NEB: variants seen among roughly 807,000 people sequenced by gnomAD.
NEB encodes nebulin.
In NEB, 512 loss-of-function variants were observed where a neutral mutation model predicts 952.2. The observed-to-expected ratio is 0.54, with a 90% CI of 0.50 to 0.58. The LOEUF (loss-of-function observed/expected upper bound fraction) is 0.58, where lower values mean the gene tolerates loss of function less well. Among genes scored for constraint, NEB ranks in the 20% least tolerant of loss-of-function variants. The probability of loss-of-function intolerance (pLI) is 0.00; values close to 1 mark genes in which losing one functional copy is unlikely to be tolerated. For missense variants in NEB, 8,428 were observed against 9,231.1 expected, an observed-to-expected ratio of 0.91 and a Z score of 3.56; for synonymous variants, 2,900 against 3,149.8, an observed-to-expected ratio of 0.92 and a Z score of 2.66.
chr2:151,615,679 T>G (rs1048279342), intron 76 of NEB, among the ~76,000 whole-genome samples: 1 of 152,214 alleles, frequency 6.6e-6, no homozygotes, highest in South Asian at 2.1e-4. Context: ...AACATCTAGG[T>G]CAACTGCTGC....
At chr2:151,688,542 A>C in intron 24 of NEB, 146 bp from the exon 25 acceptor site, 2 of 670,650 alleles carry the variant, frequency 3.0e-6, no homozygotes, top group African/African-American at 3.6e-5. Context: ...ACAGGATTCA[A>C]ACTTTCATCC....
intron 159 of NEB, 34 bp downstream of exon 159, chr2:151,514,284 T>C: frequency 1.4e-6 from 2 of 1,421,316 alleles, no homozygotes; most frequent in Non-Finnish European, 2.0e-6. Flanking sequence ...TGATGCTGTA[T>C]GAATTACGTG....
Position 151,503,435 on chromosome 2 carries a change from A to G in NEB, c.23749T>C (p.Tyr7917His). 6.2e-7 allele frequency: 1 copy of G among 1,604,164 alleles called. No homozygotes were observed. The highest frequency in any genetic ancestry group is 1.1e-5 in the South Asian group (1 of 90,728). The stretch of plus-strand genomic sequence containing the variant: ...ATGCCTGTTCCCAAGTTTTCTTTGT[A>G]CATAACCTGTAGAAAATAATTAGAA... ...ETQKHISSVM[Y>H]KENLGTGIPT... Residue 7917 changes from tyrosine to histidine, a missense_variant, in exon 166 of 182, where the codon TAC becomes CAC. Transcript: ENST00000397345.
At chr2:151,672,826 C>A (rs2099316767) in intron 36 of NEB, 146 bp from the exon 37 acceptor site, 1 of 638,040 alleles carries the variant, frequency 1.6e-6, no homozygotes, top group Non-Finnish European at 2.6e-6. Context: ...CCAAAAAGTT[C>A]AGTGAAAACA....
Position 151,688,288 on chromosome 2 carries a change from T to C in NEB, c.2415+4A>G, listed in dbSNP as rs1328841062. On this transcript the variant is annotated splice_donor_region_variant and intron_variant, in intron 25 of 181. Transcript: ENST00000397345. ...ACATAGGCTTCTGTGGCTTTGGTAC[T>C]TACATCACTCAGATTATAGGCATTG... The C allele has an allele frequency of 6.2e-7, 1 of 1,602,012 alleles. No homozygotes were observed. Among genetic ancestry groups the C allele is most frequent in the Admixed American group, 1.7e-5 (1 of 59,978 alleles).
Position 151,548,373 on chromosome 2 carries a change from AC to A in NEB, c.20091del (p.Tyr6698IlefsTer32), listed in dbSNP as rs780847016. ...KEAYEHTKAY[G>X]YTLGPKDVPF... ...GGAACATCTTTGGGGCCAAGTGTAT[AC>A]CCATATGCCTTGGTGTGTTCATAGG... On this transcript the variant is annotated frameshift_variant, in exon 131 of 182. Transcript: ENST00000397345. LOFTEE classifies it high-confidence loss of function. 1 of 1,613,804 alleles carries A rather than the reference AC, an allele frequency of 6.2e-7. No homozygotes were observed. The highest frequency in any genetic ancestry group is 1.7e-5 in the Admixed American group (1 of 60,012).
At chr2:151,660,650 T>C (rs1558945011) in intron 46 of NEB, among the ~76,000 whole-genome samples, 1 of 152,174 alleles carries the variant, frequency 6.6e-6, no homozygotes, top group South Asian at 2.1e-4. Flanking sequence ...TTCCTTAAAT[T>C]TCAGGCTTTG....
intron 178 of NEB, 101 bp downstream of exon 178, chr2:151,491,997 T>C (rs908768865): frequency 2.4e-6 from 3 of 1,273,680 alleles, no homozygotes; most frequent in South Asian, 2.8e-5. Flanking sequence ...GAAAAACAGA[T>C]TGAAGTCCTT....
intron 60 of NEB, among the ~76,000 whole-genome samples, chr2:151,642,110 A>C (rs990162934): frequency 2.0e-5 from 3 of 152,224 alleles, no homozygotes; most frequent in African/African-American, 4.8e-5. Context: ...TCTTTTAAAG[A>C]AAGCAAATAT....
rs2099203382 is a variant in NEB, at chr2:151,665,471, C to T, written c.5100G>A (p.Glu1700=). 3 of 1,613,102 alleles carry T rather than the reference C, an allele frequency of 1.9e-6. No homozygotes were observed. In the African/African-American group the frequency reaches 4.0e-5, roughly 22 times the overall value. The change falls in exon 42 of 182, where the codon GAG becomes GAA. Residue 1700 remains glutamate (E), a synonymous_variant. Transcript: ENST00000397345. ...GIGWVPIESL[E]VEKAKKAGEI... ...CTCCTGCTTTCTTTGCCTTCTCCAC[C>T]TCCAGGGACTCTATGGGCACCCAGC...
chr2:151,701,474 G>A (rs1277270118), intron 13 of NEB, among the ~76,000 whole-genome samples: 13 of 149,350 alleles, frequency 8.7e-5, no homozygotes, highest in African/African-American at 3.2e-4. Flanking sequence ...GATAGAATTC[G>A]GCTGTGAATC....
At chr2:151,519,872 A>C in intron 153 of NEB, 104 bp from the exon 154 acceptor site, 1 of 721,642 alleles carries the variant, frequency 1.4e-6, no homozygotes, top group South Asian at 1.6e-5. Context: ...TTGTACATAG[A>C]GTGATCATAT....
chr2:151,530,690 C>G, intron 145 of NEB: 1 of 250,402 alleles, frequency 4.0e-6, no homozygotes, highest in Non-Finnish European at 7.6e-6. Flanking sequence ...GGGTTCCTGT[C>G]TCGTCTACAC....
rs146701316 is a variant in NEB at position 151,654,729 on chromosome 2, T to A, written c.6807+541A>T. On this transcript the variant is annotated intron_variant, in intron 51 of 181. Coordinates refer to ENST00000397345, the MANE Select transcript of NEB (RefSeq NM_001164508.2). ...TCCAATGTCATAGGCACTTTTATGG[T>A]CCCAATTTTAGGGATGAGGAAAGTG... Among the ~76,000 whole-genome samples, 6 of 152,320 alleles carry A rather than the reference T, an allele frequency of 3.9e-5. No homozygotes were observed. The East Asian group carries it at 1.2e-3, about 29-fold the overall frequency.
chr2:151,547,801 A>G, intron 131 of NEB, 63 bp from the exon 132 acceptor site: 1 of 1,061,314 alleles, frequency 9.4e-7, no homozygotes, highest in Non-Finnish European at 1.4e-6. Context: ...TCTACTGACT[A>G]ATCAAGAATA....
At chr2:151,498,450 A>AAGTT (rs1486094280) in intron 169 of NEB, 98 bp from the exon 170 acceptor site, 6 of 766,824 alleles carry the variant, frequency 7.8e-6, no homozygotes, top group African/African-American at 1.8e-5. Context: ...GGAAGAGAGT[A>AAGTT]AGTTAGAGGA....
In NEB at chr2:151,537,867, C is replaced by A; in HGVS notation, c.21102+5G>T. 1 of 1,573,878 alleles carries A rather than the reference C, an allele frequency of 6.4e-7. No homozygotes were observed. Among genetic ancestry groups the A allele is most frequent in the Non-Finnish European group, 8.6e-7 (1 of 1,156,694 alleles). On this transcript the variant is annotated splice_donor_5th_base_variant and intron_variant, in intron 140 of 181. Transcript: ENST00000397345. The stretch of plus-strand genomic sequence containing the variant: ...TATGTGAAAATAGAAGATGTCAACA[C>A]TCACATCACTGACTGTGTCAGTGAC...
At chr2:151,695,706 A>G (rs2099591248) in intron 17 of NEB, 24 bp from the exon 18 acceptor site, 3 of 1,523,476 alleles carry the variant, frequency 2.0e-6, no homozygotes, top group East Asian at 2.3e-5. Context: ...AGAACCAATT[A>G]GTTCAGAAGA....
intron 13 of NEB, among the ~76,000 whole-genome samples, chr2:151,699,002 A>C (rs2099623420): frequency 1.6e-5 from 2 of 128,756 alleles, no homozygotes; most frequent in Non-Finnish European, 1.7e-5. Flanking sequence ...TATATCTCCC[A>C]ATGCTATCCC....
Sources: gnomAD v4.1 joint callset for allele counts (sites outside exome capture counted in the v4.1 genomes callset) on GRCh38, gnomAD v4.1.1 for gene constraint, MANE v1.5 for transcripts, NCBI Gene and HGNC (gene_info 2026-07-23, HGNC 2026-07-21) for gene names.